Variants in KIAA1958 observed in about 807,000 individuals in gnomAD.
The protein encoded by KIAA1958 is uncharacterized protein KIAA1958.
In KIAA1958, 14 loss-of-function variants were observed where a neutral mutation model predicts 47.2. That is an observed-to-expected ratio of 0.30 (90% CI 0.20 to 0.46). The LOEUF (loss-of-function observed/expected upper bound fraction) is 0.46, where lower values mean the gene tolerates loss of function less well. Among genes scored for constraint, KIAA1958 ranks in the 20% least tolerant of loss-of-function variants. KIAA1958 has a pLI of 1.00. For synonymous variants in KIAA1958, 354 were observed against 353.3 expected (o/e 1.00, Z -0.02); for missense variants, 803 against 909.2 (o/e 0.88, Z 1.50).
chr9:112,611,373 G>T (rs1836324086), intron 2 of KIAA1958, among the ~76,000 whole-genome samples: 1 of 152,010 alleles, frequency 6.6e-6, no homozygotes, highest in African/African-American at 2.4e-5. Flanking sequence ...TAAAAATCTT[G>T]GGTAAGTTGG....
chr9:112,632,708 A>T (rs1484789169), intron 2 of KIAA1958, among the ~76,000 whole-genome samples: 1 of 151,810 alleles, frequency 6.6e-6, no homozygotes, highest in Non-Finnish European at 1.5e-5. Context: ...GGAGCTTTTC[A>T]TATGTCCTTG....
At chr9:112,563,374 C>A (rs1835372047) in intron 1 of KIAA1958, among the ~76,000 whole-genome samples, 1 of 152,068 alleles carries the variant, frequency 6.6e-6, no homozygotes, top group African/African-American at 2.4e-5. Flanking sequence ...GTATATCTTT[C>A]TGTTTATTTA....
intron 1 of KIAA1958, among the ~76,000 whole-genome samples, chr9:112,535,337 A>G (rs966495871): frequency 1.3e-5 from 2 of 152,004 alleles, no homozygotes; most frequent in African/African-American, 2.4e-5. Context: ...ACCATGTGGT[A>G]TTTGTCTTTT....
intron 1 of KIAA1958, among the ~76,000 whole-genome samples, chr9:112,494,970 A>AT (rs565014891): frequency 1.1e-4 from 16 of 145,234 alleles, no homozygotes; most frequent in African/African-American, 2.8e-4. Flanking sequence ...CCCTTTTTTC[A>AT]TTTTTTTTTC....
rs141316843 is a variant in KIAA1958, at chr9:112,599,800, A to G, written c.1171+24549A>G. ...CAAAGTCTGATGGCAGCAGCTCACT[A>G]TGTATTTTATGTATTATACCAGCAG... On this transcript the variant is annotated intron_variant, in intron 2 of 3. Transcript: ENST00000337530. Among the ~76,000 whole-genome samples, 387 of 152,350 alleles carry G rather than the reference A, an allele frequency of 2.5e-3. 3 individuals carry two copies. Among genetic ancestry groups the G allele is most frequent in the African/African-American group, 8.9e-3 (372 of 41,590 alleles).
At chr9:112,512,860 CAG>C (rs1240197441) in intron 1 of KIAA1958, among the ~76,000 whole-genome samples, 3 of 151,902 alleles carry the variant, frequency 2.0e-5, no homozygotes, top group African/African-American at 7.3e-5. Context: ...TTTTTTGAGA[CAG>C]AGCCTCACTC....
intron 1 of KIAA1958, among the ~76,000 whole-genome samples, chr9:112,535,742 C>A (rs540793540): frequency 1.3e-5 from 2 of 152,164 alleles, no homozygotes; most frequent in South Asian, 4.1e-4. Flanking sequence ...ACAACACTTG[C>A]TGTCTTTCAT....
At chr9:112,586,674 A>T (rs1835827393) in intron 2 of KIAA1958, among the ~76,000 whole-genome samples, 1 of 152,250 alleles carries the variant, frequency 6.6e-6, no homozygotes, top group Non-Finnish European at 1.5e-5. Flanking sequence ...TAAGACTTCC[A>T]AATATGCGAA....
chr9:112,582,431 A>T (rs1475860752), intron 2 of KIAA1958: 1 of 153,246 alleles, frequency 6.5e-6, no homozygotes, highest in African/African-American at 2.4e-5. Context: ...AGGCCAAGGG[A>T]CCAAGAGAAA....
At chr9:112,557,965 G>A (rs1458629281) in intron 1 of KIAA1958, among the ~76,000 whole-genome samples, 1 of 152,170 alleles carries the variant, frequency 6.6e-6, no homozygotes, top group Non-Finnish European at 1.5e-5. Flanking sequence ...AGTGGCTCAT[G>A]CCTGTAATCC....
chr9:112,593,272 C>T (rs1835955318), intron 2 of KIAA1958, among the ~76,000 whole-genome samples: 1 of 152,214 alleles, frequency 6.6e-6, no homozygotes, highest in Admixed American at 6.5e-5. Context: ...AACTAAACTG[C>T]AGGTTCTGAA....
chr9:112,617,747 T>A (rs1836431352), intron 2 of KIAA1958: 2 of 728,860 alleles, frequency 2.7e-6, no homozygotes, highest in Admixed American at 3.0e-5. Context: ...TTATCAGTGA[T>A]CTCCGTAAAA....
intron 1 of KIAA1958, among the ~76,000 whole-genome samples, chr9:112,540,935 G>T (rs1054477135): frequency 6.6e-5 from 10 of 151,886 alleles, no homozygotes; most frequent in Non-Finnish European, 1.5e-4. Context: ...TGCCTGGGCT[G>T]GTCTTGAACT....
intron 2 of KIAA1958, among the ~76,000 whole-genome samples, chr9:112,594,975 A>G (rs543291522): frequency 1.1e-4 from 16 of 152,252 alleles, no homozygotes; most frequent in Non-Finnish European, 2.4e-4. Flanking sequence ...TTCTCTAACA[A>G]TCTTGAGCAT....
At position 112,574,344 on chromosome 9, in the gene KIAA1958, C is replaced by T. The variant is rs757897717; in HGVS notation, c.264C>T (p.Ile88=). ...RSFNSDSPSI[I]GVPSETQTSP... is the part of the protein sequence containing the mutation. ...TTAACTCTGATAGTCCCAGTATAAT[C>T]GGGGTGCCCTCTGAGACACAGACTA... Residue 88 remains isoleucine (I), a synonymous_variant, in exon 2 of 4, where the codon ATC becomes ATT. Coordinates refer to ENST00000337530, the MANE Select transcript of KIAA1958 (RefSeq NM_133465.4). 1.2e-5 allele frequency: 20 copies of T among 1,614,014 alleles called. No homozygotes were observed. The East Asian group carries it at 2.0e-4, about 16-fold the overall frequency.
intron 2 of KIAA1958, among the ~76,000 whole-genome samples, chr9:112,624,206 A>G (rs1836563398): frequency 6.6e-6 from 1 of 152,250 alleles, no homozygotes; most frequent in Non-Finnish European, 1.5e-5. Flanking sequence ...TATCAGCTTA[A>G]TAAATGTTTC....
chr9:112,489,126 C>G (rs1833918834), intron 1 of KIAA1958, among the ~76,000 whole-genome samples: 1 of 152,146 alleles, frequency 6.6e-6, no homozygotes, highest in Non-Finnish European at 1.5e-5. Flanking sequence ...AGTAATAGCC[C>G]AAAGAGAAGA....
intron 1 of KIAA1958, among the ~76,000 whole-genome samples, chr9:112,565,038 G>C (rs985943459): frequency 8.5e-5 from 13 of 152,232 alleles, no homozygotes; most frequent in African/African-American, 3.1e-4. Flanking sequence ...AAAAATATTA[G>C]CTTTAGTTGC....
intron 2 of KIAA1958, among the ~76,000 whole-genome samples, chr9:112,580,786 CAA>C (rs11290337): frequency 1.4e-4 from 21 of 146,746 alleles, no homozygotes; most frequent in Admixed American, 1.4e-4. Flanking sequence ...GACTCCATCT[CAA>C]AAAAAAAAAA....
Sources: allele counts gnomAD v4.1 joint callset (sites outside exome capture counted in the v4.1 genomes callset), GRCh38; gene constraint gnomAD v4.1.1; transcripts MANE v1.5; gene names NCBI Gene and HGNC (gene_info 2026-07-23, HGNC 2026-07-21).